The following QRICH2 variants were observed in gnomAD, a reference collection of about 807,000 sequenced individuals.
The protein encoded by QRICH2 is glutamine-rich protein 2.
In QRICH2, 119 loss-of-function variants were observed where a neutral mutation model predicts 168.3. The observed-to-expected ratio is 0.71, with a 90% CI of 0.61 to 0.82. QRICH2 has a LOEUF of 0.82. Ranked by LOEUF, QRICH2 falls within the 40% of genes least tolerant of loss-of-function variation. The pLI is 0.00. For synonymous variants in QRICH2, 894 were observed against 951.2 expected, an observed-to-expected ratio of 0.94 and a Z score of 1.11; for missense variants, 2,241 against 2,491.6, an observed-to-expected ratio of 0.90 and a Z score of 2.14.
Position 76,279,059 on chromosome 17 carries a change from A to G in QRICH2, c.4898T>C (p.Val1633Ala). ...AGCATACTTGCGGCTATGCTGCCGGACCTGCTCCAGTTCAAACACCGTGTA... is the reference window on the plus strand; with the variant it reads ...AGCATACTTGCGGCTATGCTGCCGGGCCTGCTCCAGTTCAAACACCGTGTA... ...RPYTVFELEQ[V>A]RQHSRNLKLG... Residue 1633 changes from valine (V) to alanine (A), a missense_variant, in exon 14 of 19, where the codon GTC becomes GCC. By Grantham distance (64) the Val-to-Ala change is moderately conservative. Transcript: ENST00000680821. 1.2e-6 allele frequency: 2 copies of G among 1,613,902 alleles called. No individual in the cohort carries two copies. The highest frequency in any genetic ancestry group is 1.7e-6 in the Non-Finnish European group (2 of 1,179,996).
Position 76,290,029 on chromosome 17 carries a change from T to C in QRICH2, c.3761A>G (p.Lys1254Arg). ...CTGCCAAACTTCTTTGGCTAGCGTC[T>C]TTACGGTCTTCAGCTGCTCCTGCAG... The part of the protein sequence containing the change: ...PELQEQLKTV[K>R]TLAKEVWQEK... Residue 1254 changes from lysine (K) to arginine (R), a missense_variant, in exon 5 of 19, where the codon AAG becomes AGG. Physicochemically the swap from Lys to Arg is conservative, Grantham distance 26. Coordinates refer to ENST00000680821, the MANE Select transcript of QRICH2 (RefSeq NM_001388453.1). 1 of 1,612,256 alleles carries C rather than the reference T, an allele frequency of 6.2e-7. No homozygotes were observed. Among genetic ancestry groups the C allele is most frequent in the Non-Finnish European group, 8.5e-7 (1 of 1,178,866 alleles).
At chr17:76,304,766 G>C in intron 2 of QRICH2, 116 bp downstream of exon 2, 1 of 834,138 alleles carries the variant, frequency 1.2e-6, no homozygotes, top group South Asian at 1.4e-5. Flanking sequence ...GCAGAGACTT[G>C]AGAGGCAGAG....
chr17:76,301,427 G>T, intron 3 of QRICH2: 1 of 248,096 alleles, frequency 4.0e-6, no homozygotes, highest in Non-Finnish European at 8.3e-6. Flanking sequence ...AATTAGCTAG[G>T]TATGGTGGTA....
intron 3 of QRICH2, among the ~76,000 whole-genome samples, chr17:76,298,439 A>G (rs992483202): frequency 3.3e-5 from 5 of 152,058 alleles, no homozygotes; most frequent in African/African-American, 1.2e-4. Context: ...TCAGCCTCCC[A>G]AAGTGCTGGG....
intron 7 of QRICH2, among the ~76,000 whole-genome samples, chr17:76,286,187 TG>T (rs1962721227): frequency 1.4e-5 from 2 of 139,544 alleles, no homozygotes; most frequent in African/African-American, 2.8e-5. Context: ...AAAAAAAAAA[TG>T]TATACATGAA....
In QRICH2 at chr17:76,291,051, C is replaced by T. The variant is rs745480112; in HGVS notation, c.3676G>A (p.Asp1226Asn). The T allele has an allele frequency of 1.5e-5, 25 of 1,613,758 alleles. No individual in the cohort carries two copies. Among genetic ancestry groups the T allele is most frequent in the Admixed American group, 1.7e-5 (1 of 59,984 alleles). ...AGCAGGAACTGGATCTTCTCCAAGT[C>T]GGTTTGGCCGGCCTGCTCCTCATCC... is the stretch of plus-strand genomic sequence containing the variant. ...DLDEEQAGQT[D>N]LEKIQFLLAQ... The change falls in exon 4 of 19, where the codon GAC (aspartate) becomes AAC (asparagine). Residue 1226 changes from aspartate to asparagine, a missense_variant. Around this residue, in one of 3 missense-constraint regions of QRICH2, gnomAD observed 2,047 missense variants for 2,303.8 expected, o/e 0.89. Transcript: ENST00000680821.
At position 76,286,507 on chromosome 17, in the gene QRICH2, G is replaced by C. The variant is rs146913279; in HGVS notation, c.4011+685C>G. Among the ~76,000 whole-genome samples the C allele has an allele frequency of 3.9e-5, 6 of 152,312 alleles. No homozygotes were observed. In the East Asian group the frequency reaches 1.2e-3, roughly 29 times the overall value. ...AGGGGCTGAGGGACAGAAGGGAACA[G>C]GGAGAGACTGCTAAGAGTCACAGGG... On this transcript the variant is annotated intron_variant, in intron 7 of 18. Coordinates refer to ENST00000680821, the MANE Select transcript of QRICH2 (RefSeq NM_001388453.1).
chr17:76,287,015 C>G (rs950801688), intron 7 of QRICH2, among the ~76,000 whole-genome samples, 177 bp downstream of exon 7: 1 of 147,422 alleles, frequency 6.8e-6, no homozygotes, highest in Non-Finnish European at 1.5e-5. Context: ...TCGCCACCGC[C>G]CCCCCACCCC....
chr17:76,310,816 A>G (rs1408252255), upstream of QRICH2: 1 of 149,706 alleles, frequency 6.7e-6, no homozygotes, highest in Non-Finnish European at 1.5e-5. Flanking sequence ...TTCAACAAGG[A>G]TTTAGCTTCA....
intron 3 of QRICH2, among the ~76,000 whole-genome samples, chr17:76,303,687 C>G (rs1205539281): frequency 6.6e-6 from 1 of 151,716 alleles, no homozygotes; most frequent in African/African-American, 2.4e-5. Flanking sequence ...TGGGCAACAC[C>G]GTGAAACCCC....
At chr17:76,287,432 A>G (rs148010178) in intron 6 of QRICH2, 126 bp from the exon 7 acceptor site, 297 of 711,816 alleles carry the variant, frequency 4.2e-4, no homozygotes, top group Middle Eastern at 9.8e-4. Context: ...CCCCCCTCCA[A>G]TGGATTTTGT....
At chr17:76,276,358 C>T (rs1056511895) in intron 17 of QRICH2, among the ~76,000 whole-genome samples, 2 of 152,162 alleles carry the variant, frequency 1.3e-5, no homozygotes, top group African/African-American at 2.4e-5. Context: ...GGGCACTGTG[C>T]TGAGTTTTGA....
Position 76,280,658 on chromosome 17 carries a change from T to A in QRICH2, c.4457A>T (p.Asp1486Val), listed in dbSNP as rs779131747. ...CTCCTGGGGCCTGGCACCCACCACA[T>A]CGATCTCCATCTCCAGGTGCTCCCT... ...ANREHLEMEI[D>V]VKADKSALAT... The change falls in exon 10 of 19, where the codon GAT becomes GTT. Residue 1486 changes from aspartate (D) to valine (V), a missense_variant. Physicochemically the swap from Asp to Val is radical, Grantham distance 152. Coordinates refer to ENST00000680821, the MANE Select transcript of QRICH2 (RefSeq NM_001388453.1). The surrounding 1 kb of genome is among the most constrained non-coding windows in gnomAD (Gnocchi z 7.4). The A allele has an allele frequency of 9.9e-6, 16 of 1,613,994 alleles. No individual in the cohort carries two copies. In the South Asian group the frequency reaches 1.4e-4, roughly 14 times the overall value.
At chr17:76,278,953 C>T (rs1462984210) in intron 14 of QRICH2, 88 bp downstream of exon 14, 5 of 1,085,174 alleles carry the variant, frequency 4.6e-6, no homozygotes, top group Non-Finnish European at 6.9e-6. Flanking sequence ...TTCCGCTGGG[C>T]CCTCCGGAGT....
chr17:76,276,633 C>A, intron 17 of QRICH2, 47 bp downstream of exon 17: 1 of 1,458,472 alleles, frequency 6.9e-7, no homozygotes, highest in Non-Finnish European at 9.6e-7. Flanking sequence ...GATGCACGCC[C>A]TGTGGGACCC....
Position 76,281,769 on chromosome 17 carries a change from A to G in QRICH2, c.4263+95T>C. 1 of 1,514,344 alleles carries G rather than the reference A, an allele frequency of 6.6e-7. No individual in the cohort carries two copies. Among genetic ancestry groups the G allele is most frequent in the Non-Finnish European group, 9.0e-7 (1 of 1,112,176 alleles). 93.8% of individuals were successfully genotyped at this position (1,514,344 alleles called of 1,614,324 possible). ...CACGGAGAGCTGACCTTGAGGCCCA[A>G]ACACCCGCCCCACTTCTGTGGGTCT... On this transcript the variant is annotated intron_variant, in intron 8 of 18. Transcript: ENST00000680821. The surrounding 1 kb of genome is among the most constrained non-coding windows in gnomAD (Gnocchi z 4.4).
In QRICH2 at chr17:76,307,966, C is replaced by T. The variant is rs1277231390; in HGVS notation, c.33G>A (p.Glu11=). The T allele has an allele frequency of 2.4e-5, 30 of 1,234,356 alleles. No homozygotes were observed. The East Asian group carries it at 9.1e-4, about 38-fold the overall frequency. 76.5% of individuals were successfully genotyped at this position (1,234,356 alleles called of 1,614,324 possible). The change falls in exon 1 of 19, where the codon GAG becomes GAA. Residue 11 remains glutamate (E), a synonymous_variant. Coordinates refer to ENST00000680821, the MANE Select transcript of QRICH2 (RefSeq NM_001388453.1). The surrounding 1 kb of genome is among the most constrained non-coding windows in gnomAD (Gnocchi z 5.3). ...GCGTGCCGATGGAGAGGTCCGCCAG[C>T]TCCCGGAGGGAGACCGTGGTCGCGG... is the stretch of plus-strand genomic sequence containing the variant. MPPATTVSLR[E]LADLSIGTPE...
At position 76,305,151 on chromosome 17, in the gene QRICH2, GT is replaced by G. The variant is rs199780020; in HGVS notation, c.535-211del. ...AGGGAGGGTTTCTTCTTCTACTTGGGTTTTTTTGGTTTCCTTTTTTTTTTTT... is the reference window on the plus strand; with the variant it reads ...AGGGAGGGTTTCTTCTTCTACTTGGGTTTTTTGGTTTCCTTTTTTTTTTTT... On this transcript the variant is annotated intron_variant, in intron 1 of 18. Transcript: ENST00000680821. Among the ~76,000 whole-genome samples the G allele has an allele frequency of 1.9e-3, 270 of 144,862 alleles. 5 individuals are homozygous for G. In the East Asian group the frequency reaches 0.039, roughly 21 times the overall value.
At chr17:76,301,751 G>A (rs1430300942) in intron 3 of QRICH2, among the ~76,000 whole-genome samples, 1 of 125,220 alleles carries the variant, frequency 8.0e-6, no homozygotes, top group African/African-American at 3.3e-5. Context: ...CACCCAGGTT[G>A]GACTGCAGTG....
Sources: gnomAD v4.1 joint callset for allele counts (sites outside exome capture counted in the v4.1 genomes callset) on GRCh38, gnomAD v4.1.1 for gene constraint, gnomAD v4.1.1 regional missense constraint, Gnocchi (gnomAD v3.1) non-coding constraint, MANE v1.5 for transcripts, NCBI Gene and HGNC (gene_info 2026-07-23, HGNC 2026-07-21) for gene names.